The following RNF216 variants were observed in gnomAD, a reference collection of about 807,000 sequenced individuals.
RNF216 encodes ring finger protein 216.
RNF216 carries 72 observed loss-of-function variants against 110.8 expected under a neutral mutation model. The observed-to-expected ratio is 0.65, with a 90% CI of 0.54 to 0.79. RNF216 has a LOEUF of 0.79. RNF216 is among the 30% of genes least tolerant of loss of function. RNF216 has a pLI of 0.00. For missense variants in RNF216, 1,342 were observed against 1,141.2 expected, an observed-to-expected ratio of 1.18 and a Z score of -2.54; for synonymous variants, 495 against 407.5, an observed-to-expected ratio of 1.21 and a Z score of -2.59.
chr7:5,690,981 G>T lies in RNF216; in HGVS notation c.2061+20780C>A, dbSNP rs192426227. Reference sequence around the variant, plus strand: ...CAGGGCTTATCCAGCACACAGCCAGGAGAGGCTGAAGCTCCACCTCCACAC... The same window carrying T: ...CAGGGCTTATCCAGCACACAGCCAGTAGAGGCTGAAGCTCCACCTCCACAC... On this transcript the variant is annotated intron_variant, in intron 13 of 16. Coordinates refer to ENST00000389902, the MANE Select transcript of RNF216 (RefSeq NM_207111.4). Among the ~76,000 whole-genome samples, 559 of 152,302 alleles carry T rather than the reference G, an allele frequency of 3.7e-3. 2 individuals are homozygous for T. The highest frequency in any genetic ancestry group is 0.013 in the African/African-American group (541 of 41,554).
intron 1 of RNF216, among the ~76,000 whole-genome samples, chr7:5,776,830 G>A (rs2128685823): frequency 6.7e-6 from 1 of 149,220 alleles, no homozygotes; most frequent in East Asian, 2.0e-4. Flanking sequence ...GAACCTGGGA[G>A]GAGGAGGTTG....
At chr7:5,692,583 C>T (rs543109009) in intron 13 of RNF216, among the ~76,000 whole-genome samples, 45 of 152,158 alleles carry the variant, frequency 3.0e-4, no homozygotes, top group Non-Finnish European at 5.6e-4. Context: ...GTGCAGAAGG[C>T]GAGCGAGGAG....
chr7:5,711,091 A>C (rs1337395279), intron 13 of RNF216, among the ~76,000 whole-genome samples: 1 of 152,240 alleles, frequency 6.6e-6, no homozygotes, highest in African/African-American at 2.4e-5. Context: ...GCAATTTTAG[A>C]AAAATGGCTT....
At chr7:5,651,711 C>A (rs953417853) in intron 14 of RNF216, among the ~76,000 whole-genome samples, 2 of 151,778 alleles carry the variant, frequency 1.3e-5, no homozygotes, top group Non-Finnish European at 2.9e-5. Context: ...TGCACTGGCG[C>A]AATCTTGGCT....
intron 12 of RNF216, chr7:5,712,041 G>A: frequency 1.8e-6 from 1 of 567,024 alleles, no homozygotes. Flanking sequence ...ACCACATGAG[G>A]TCCTGACTGA....
chr7:5,655,637 A>G (rs1194789461), intron 13 of RNF216, among the ~76,000 whole-genome samples: 3 of 148,214 alleles, frequency 2.0e-5, no homozygotes, highest in African/African-American at 7.9e-5. Context: ...AGACAAGACC[A>G]GACCATGTAG....
intron 8 of RNF216, among the ~76,000 whole-genome samples, chr7:5,723,440 G>A (rs942266393): frequency 3.3e-5 from 5 of 152,016 alleles, no homozygotes; most frequent in Non-Finnish European, 5.9e-5. Flanking sequence ...GAGGTCAGGA[G>A]ATCGAGACCA....
chr7:5,763,672 G>C (rs1796046904), intron 1 of RNF216, among the ~76,000 whole-genome samples: 1 of 152,108 alleles, frequency 6.6e-6, no homozygotes, highest in South Asian at 2.1e-4. Context: ...CTGGGCTCAA[G>C]CAATCCTCCT....
Position 5,741,214 on chromosome 7 carries a change from T to G in RNF216, c.803A>C (p.Glu268Ala). The stretch of plus-strand genomic sequence containing the variant: ...CCTTGGAAAAGCGGGCCCTGGGAAT[T>G]CATGCTGAAACAACAAGCGGCCCAG... ...AELGRLLFQHEFPGPAFPRPE... is the reference protein window; with the variant it reads ...AELGRLLFQHAFPGPAFPRPE... Residue 268 changes from glutamate to alanine, a missense_variant, in exon 4 of 17, where the codon GAA (glutamate) becomes GCA (alanine). By Grantham distance (107) the Glu-to-Ala change is moderately radical (BLOSUM62 -1). Transcript: ENST00000389902. 6.2e-7 allele frequency: 1 copy of G among 1,614,156 alleles called. No individual in the cohort carries two copies. Among genetic ancestry groups the G allele is most frequent in the Non-Finnish European group, 8.5e-7 (1 of 1,180,022 alleles).
At chr7:5,679,804 C>T (rs1790535170) in intron 13 of RNF216, among the ~76,000 whole-genome samples, 2 of 152,178 alleles carry the variant, frequency 1.3e-5, no homozygotes, top group Non-Finnish European at 2.9e-5. Context: ...TGGGAATGAG[C>T]ATCTTTAGAC....
At position 5,716,775 on chromosome 7, in the gene RNF216, C is replaced by CA. The variant is rs1793091220; in HGVS notation, c.1645-10dup. Reference sequence around the variant, plus strand: ...AGCAAAAAGTCTTCATGCTGAAGAACAAAAAAGGCACACATTCAGACACAA... The same window carrying CA: ...AGCAAAAAGTCTTCATGCTGAAGAACAAAAAAAGGCACACATTCAGACACAA... On this transcript the variant is annotated splice_polypyrimidine_tract_variant and intron_variant, in intron 9 of 16. Coordinates refer to ENST00000389902, the MANE Select transcript of RNF216 (RefSeq NM_207111.4). The CA allele has an allele frequency of 1.3e-6, 2 of 1,599,860 alleles. No individual in the cohort carries two copies. The highest frequency in any genetic ancestry group is 1.3e-5 in the African/African-American group (1 of 74,368).
At chr7:5,651,023 T>C (rs925756563) in intron 14 of RNF216, among the ~76,000 whole-genome samples, 1 of 152,180 alleles carries the variant, frequency 6.6e-6, no homozygotes, top group Non-Finnish European at 1.5e-5. Flanking sequence ...CACGTGACAA[T>C]CTAGACCAAT....
At chr7:5,745,997 A>G (rs1006674411) in intron 3 of RNF216, among the ~76,000 whole-genome samples, 21 of 152,050 alleles carry the variant, frequency 1.4e-4, no homozygotes, top group African/African-American at 4.6e-4. Context: ...AGATCCTTAC[A>G]CTAAATTTGT....
intron 13 of RNF216, among the ~76,000 whole-genome samples, chr7:5,689,060 G>C (rs1417441665): frequency 6.6e-6 from 1 of 152,132 alleles, no homozygotes; most frequent in African/African-American, 2.4e-5. Flanking sequence ...TAAAAGAACA[G>C]GCTGCCGATT....
intron 3 of RNF216, among the ~76,000 whole-genome samples, chr7:5,750,701 G>C (rs992256640): frequency 6.6e-6 from 1 of 152,162 alleles, no homozygotes; most frequent in African/African-American, 2.4e-5. Flanking sequence ...ATTCACAACA[G>C]CAAACCACAT....
chr7:5,735,337 T>G (rs535650807), intron 5 of RNF216, among the ~76,000 whole-genome samples: 11 of 151,848 alleles, frequency 7.2e-5, no homozygotes, highest in African/African-American at 1.7e-4. Flanking sequence ...ACAAGAAAAC[T>G]AGGCACCATG....
chr7:5,684,857 T>G (rs1435803885), intron 13 of RNF216, among the ~76,000 whole-genome samples: 2 of 128,154 alleles, frequency 1.6e-5, no homozygotes, highest in Non-Finnish European at 3.2e-5. Context: ...GAGAGGTCAG[T>G]AAAATTTTCC....
At chr7:5,701,633 G>A (rs1199787614) in intron 13 of RNF216, among the ~76,000 whole-genome samples, 1 of 152,224 alleles carries the variant, frequency 6.6e-6, no homozygotes, top group Non-Finnish European at 1.5e-5. Context: ...ATGTCACAAA[G>A]CTAGTGAGTG....
At chr7:5,739,859 C>T (rs1055015981) in intron 4 of RNF216, among the ~76,000 whole-genome samples, 5 of 151,762 alleles carry the variant, frequency 3.3e-5, no homozygotes, top group African/African-American at 1.2e-4. Context: ...AAAAATTAGC[C>T]AGACGTGGTG....
Sources: gnomAD v4.1 joint callset for allele counts (sites outside exome capture counted in the v4.1 genomes callset) on GRCh38, gnomAD v4.1.1 for gene constraint, MANE v1.5 for transcripts, NCBI Gene and HGNC (gene_info 2026-07-23, HGNC 2026-07-21) for gene names.